The following MRPL30 variants were observed in gnomAD, a reference collection of about 807,000 sequenced individuals.
MRPL30 encodes the protein large ribosomal subunit protein uL30m.
A neutral mutation model predicts 17.2 loss-of-function variants in MRPL30; 10 were observed. That is an observed-to-expected ratio of 0.58 (90% CI 0.36 to 0.99). The LOEUF (loss-of-function observed/expected upper bound fraction) is 0.99, where lower values mean the gene tolerates loss of function less well. Among genes scored for constraint, MRPL30 ranks in the 50% least tolerant of loss-of-function variants. The pLI, the probability that MRPL30 is intolerant of heterozygous loss-of-function variation, is 0.01. For synonymous variants in MRPL30, 61 were observed against 62.1 expected (o/e 0.98, Z 0.08); for missense variants, 170 against 189.8 (o/e 0.90, Z 0.61).
intron 1 of MRPL30, among the ~76,000 whole-genome samples, chr2:99,182,420 G>T (rs1381090806): frequency 6.6e-6 from 1 of 152,102 alleles, no homozygotes. Context: ...CCGGGCGTCC[G>T]GGCGGGCGCC....
At chr2:99,188,695 T>C (rs2093938603) in intron 3 of MRPL30, among the ~76,000 whole-genome samples, 1 of 152,176 alleles carries the variant, frequency 6.6e-6, no homozygotes, top group Non-Finnish European at 1.5e-5. Flanking sequence ...AGCCCGCCAT[T>C]GATTTTTGTT....
At chr2:99,184,239 T>C (rs2093930457) in intron 1 of MRPL30, among the ~76,000 whole-genome samples, 1 of 152,194 alleles carries the variant, frequency 6.6e-6, no homozygotes, top group Admixed American at 6.6e-5. Context: ...TTTCTAGCAT[T>C]ACAAAGTGCT....
In MRPL30 at chr2:99,197,968, G is replaced by C. The variant is rs1008530578; in HGVS notation, c.*2263G>C. On this transcript the variant is annotated 3_prime_UTR_variant, in exon 6 of 6. Transcript: ENST00000338148. ...CTTACTGTACTAATATTAATATTGTGTAAATAGGGGAAAATACCATGGTTA... is the reference window on the plus strand; with the variant it reads ...CTTACTGTACTAATATTAATATTGTCTAAATAGGGGAAAATACCATGGTTA... 1.3e-5 allele frequency among the ~76,000 whole-genome samples: 2 copies of C among 152,118 alleles called. No individual in the cohort carries two copies. The highest frequency in any genetic ancestry group is 4.8e-5 in the African/African-American group (2 of 41,410).
At chr2:99,191,182 T>G (rs1242733318) in intron 3 of MRPL30, among the ~76,000 whole-genome samples, 2 of 152,026 alleles carry the variant, frequency 1.3e-5, no homozygotes, top group African/African-American at 4.8e-5. Context: ...AATTTTTGTA[T>G]TTTTAGTAGA....
chr2:99,199,375 C>A lies in MRPL30; in HGVS notation c.*3670C>A, dbSNP rs1190478128. ...AGGAATCCTTGGAACACTGGAAATT[C>A]TAAAATAAGAGTCAGATACAAAACA... On this transcript the variant is annotated 3_prime_UTR_variant, in exon 6 of 6. Transcript: ENST00000338148. 6.6e-6 allele frequency among the ~76,000 whole-genome samples: 1 copy of A among 152,070 alleles called. No homozygotes were observed. The highest frequency in any genetic ancestry group is 2.4e-5 in the African/African-American group (1 of 41,408).
In MRPL30 at chr2:99,196,257, A is replaced by T. The variant is rs998361659; in HGVS notation, c.*552A>T. ...AACATCTGCGTTTGGGTCTACTGCC[A>T]CCTTAGCAAGCCTCATTAACCATTT... On this transcript the variant is annotated 3_prime_UTR_variant, in exon 6 of 6. Transcript: ENST00000338148. 6.5e-6 allele frequency: 1 copy of T among 154,200 alleles called. No homozygotes were observed. The highest frequency in any genetic ancestry group is 6.5e-5 in the Admixed American group (1 of 15,282). 9.6% of individuals were successfully genotyped at this position (154,200 alleles called of 1,614,324 possible). A position where few individuals can be genotyped will look rare whatever the true frequency, so the allele number is the denominator to read the frequency against.
intron 3 of MRPL30, among the ~76,000 whole-genome samples, chr2:99,190,865 A>T (rs1457811560): frequency 6.6e-6 from 1 of 152,208 alleles, no homozygotes; most frequent in Non-Finnish European, 1.5e-5. Flanking sequence ...GCCATGGCAC[A>T]TGTTTACCTA....
chr2:99,195,074 C>A (rs748482256), intron 4 of MRPL30, 42 bp from the exon 5 acceptor site: 2 of 1,502,584 alleles, frequency 1.3e-6, no homozygotes, highest in Non-Finnish European at 1.8e-6. Context: ...GAACTATCTG[C>A]TTTTCAGATT....
Position 99,198,239 on chromosome 2 carries a change from G to A in MRPL30, c.*2534G>A, listed in dbSNP as rs1167317205. Reference sequence around the variant, plus strand: ...TATTGTCTCACAATGTTTGTGGGTCGGAAGTCTAGGCGTGGCTTAGCTGGG... The same window carrying A: ...TATTGTCTCACAATGTTTGTGGGTCAGAAGTCTAGGCGTGGCTTAGCTGGG... On this transcript the variant is annotated 3_prime_UTR_variant, in exon 6 of 6. Transcript: ENST00000338148. 2.6e-5 allele frequency among the ~76,000 whole-genome samples: 4 copies of A among 152,180 alleles called. No individual in the cohort carries two copies. Among genetic ancestry groups the A allele is most frequent in the South Asian group, 2.1e-4 (1 of 4,830 alleles).
chr2:99,196,006 G>T lies in MRPL30; in HGVS notation c.*301G>T. The T allele has an allele frequency of 3.3e-6, 1 of 300,562 alleles. No homozygotes were observed. The highest frequency in any genetic ancestry group is 6.3e-6 in the Non-Finnish European group (1 of 159,640). The allele number at this position is 300,562 out of a possible 1,614,324, so 18.6% of individuals were successfully genotyped here. Reference sequence around the variant, plus strand: ...TGAAGCAGGAGAATCACTTGAACCCGGGAGGCAGAGGTTGCAGTGAGCTGA... The same window carrying T: ...TGAAGCAGGAGAATCACTTGAACCCTGGAGGCAGAGGTTGCAGTGAGCTGA... On this transcript the variant is annotated 3_prime_UTR_variant, in exon 6 of 6. Coordinates refer to ENST00000338148, the MANE Select transcript of MRPL30 (RefSeq NM_145212.4).
chr2:99,187,701 G>A (rs994017530), intron 2 of MRPL30, among the ~76,000 whole-genome samples: 4 of 152,080 alleles, frequency 2.6e-5, no homozygotes, highest in Non-Finnish European at 5.9e-5. Flanking sequence ...GGTGGTGGGC[G>A]CCTGTAGTCC....
Position 99,181,218 on chromosome 2 carries a change from A to C in MRPL30, c.-59A>C, listed in dbSNP as rs1376977498. ...CCTCTGCTCTGCTTCCCTTCGGAGG[A>C]AAATTTCAGGCTGAAGGTTTAGCGG... On this transcript the variant is annotated 5_prime_UTR_variant, in exon 1 of 6. Coordinates refer to ENST00000338148, the MANE Select transcript of MRPL30 (RefSeq NM_145212.4). 1 of 504,140 alleles carries C rather than the reference A, an allele frequency of 2.0e-6. No homozygotes were observed. Among genetic ancestry groups the C allele is most frequent in the East Asian group, 3.7e-5 (1 of 26,786 alleles). 31.2% of individuals were successfully genotyped at this position (504,140 alleles called of 1,614,324 possible). A position where few individuals can be genotyped will look rare whatever the true frequency, so the allele number is the denominator to read the frequency against.
chr2:99,189,976 T>C (rs1376785704), intron 3 of MRPL30, among the ~76,000 whole-genome samples: 1 of 126,642 alleles, frequency 7.9e-6, no homozygotes, highest in Non-Finnish European at 1.7e-5. Context: ...AAAAAAAAAA[T>C]TAGATGGGTG....
intron 1 of MRPL30, among the ~76,000 whole-genome samples, chr2:99,183,773 TAC>T (rs1238112443): frequency 6.6e-6 from 1 of 152,190 alleles, no homozygotes; most frequent in Non-Finnish European, 1.5e-5. Flanking sequence ...CCAATATTGA[TAC>T]GTTATTAAAG....
intron 3 of MRPL30, among the ~76,000 whole-genome samples, chr2:99,191,291 A>C (rs916219529): frequency 1.6e-4 from 24 of 152,200 alleles, no homozygotes; most frequent in East Asian, 1.9e-4. Context: ...AGGCGTGAGC[A>C]ACCACGCCTG....
intron 2 of MRPL30, among the ~76,000 whole-genome samples, chr2:99,187,970 C>A (rs1007591307): frequency 1.3e-5 from 2 of 152,148 alleles, no homozygotes; most frequent in Non-Finnish European, 2.9e-5. Flanking sequence ...GGTTACCAAT[C>A]CGTGGTCTAA....
chr2:99,186,070 TAA>T (rs1037088801), intron 1 of MRPL30, 105 bp from the exon 2 acceptor site: 1 of 679,756 alleles, frequency 1.5e-6, no homozygotes, highest in Non-Finnish European at 2.6e-6. Flanking sequence ...ATTTTACTGT[TAA>T]GTTTACAATT....
Position 99,196,600 on chromosome 2 carries a change from CA to C in MRPL30, c.*896del, listed in dbSNP as rs1172750940. ...GATTACAGGCATGAGCCACTGTACC[CA>C]GCCAAAATTGTTTTCTTTTTTAAGT... On this transcript the variant is annotated 3_prime_UTR_variant, in exon 6 of 6. Coordinates refer to ENST00000338148, the MANE Select transcript of MRPL30 (RefSeq NM_145212.4). 2.6e-5 allele frequency: 4 copies of C among 152,316 alleles called. No homozygotes were observed. The highest frequency in any genetic ancestry group is 5.9e-5 in the Non-Finnish European group (4 of 68,114). 9.4% of individuals were successfully genotyped at this position (152,316 alleles called of 1,614,324 possible).
chr2:99,193,163 G>A (rs145304265), intron 3 of MRPL30, among the ~76,000 whole-genome samples: 9,484 of 152,184 alleles, frequency 0.062, 588 homozygotes, highest in East Asian at 0.21. Flanking sequence ...AGTGGGCAAA[G>A]GAAATGAACA....
Sources: gnomAD v4.1 joint callset for allele counts (sites outside exome capture counted in the v4.1 genomes callset) on GRCh38, gnomAD v4.1.1 for gene constraint, MANE v1.5 for transcripts, NCBI Gene and HGNC (gene_info 2026-07-23, HGNC 2026-07-21) for gene names.